ANKRD10: variants seen among roughly 807,000 people sequenced by gnomAD.
The protein encoded by ANKRD10 is ankyrin repeat domain-containing protein 10.
A neutral mutation model predicts 27.0 loss-of-function variants in ANKRD10; 14 were observed. The ratio of observed to expected loss-of-function variants is 0.52; its 90% confidence interval spans 0.34 to 0.81. The LOEUF is 0.81. Among genes scored for constraint, ANKRD10 ranks in the 40% least tolerant of loss-of-function variants. The pLI is 0.01. For synonymous variants in ANKRD10, 250 were observed against 224.5 expected, an observed-to-expected ratio of 1.11 and a Z score of -1.01; for missense variants, 493 against 544.0, an observed-to-expected ratio of 0.91 and a Z score of 0.93.
chr13:110,906,020 G>A lies in ANKRD10; in HGVS notation c.455+13C>T, dbSNP rs1481478228. On this transcript the variant is annotated intron_variant, in intron 3 of 5. Coordinates refer to ENST00000267339, the MANE Select transcript of ANKRD10 (RefSeq NM_017664.4). ...ACATCTTTAGCTGGAAAGAATAAAC[G>A]AAAGACACTTACTCGACGTGAGCCC... 32 of 1,578,832 alleles carry A rather than the reference G, an allele frequency of 2.0e-5. No homozygotes were observed. Among genetic ancestry groups the A allele is most frequent in the South Asian group, 9.2e-5 (8 of 86,718 alleles).
chr13:110,887,005 T>C (rs571397423), intron 4 of ANKRD10, among the ~76,000 whole-genome samples: 3 of 152,176 alleles, frequency 2.0e-5, no homozygotes, highest in Admixed American at 6.5e-5. Flanking sequence ...TAGGACTAGC[T>C]CAAAACCTCC....
chr13:110,913,755 C>A (rs1429168797), intron 1 of ANKRD10, among the ~76,000 whole-genome samples: 1 of 152,090 alleles, frequency 6.6e-6, no homozygotes, highest in Non-Finnish European at 1.5e-5. Flanking sequence ...TCATCACTTA[C>A]GAGAAAAACA....
rs893216575 is a variant in ANKRD10 at position 110,900,502 on chromosome 13, C to T, written c.455+5531G>A. 1.0e-5 allele frequency: 13 copies of T among 1,251,394 alleles called. No individual in the cohort carries two copies. In the East Asian group the frequency reaches 2.6e-4, roughly 25 times the overall value. The allele number at this position is 1,251,394 out of a possible 1,614,324, so 77.5% of individuals were successfully genotyped here. ...ATCTCTATCTGAATTCCTAGATTAG[C>T]GTTAAAACCAATCACCGCAACAAAT... On this transcript the variant is annotated intron_variant, in intron 3 of 5. Transcript: ENST00000267339.
intron 2 of ANKRD10, among the ~76,000 whole-genome samples, chr13:110,908,761 T>C (rs2065608428): frequency 6.6e-6 from 1 of 152,036 alleles, no homozygotes; most frequent in South Asian, 2.1e-4. Flanking sequence ...CACTACATAA[T>C]AGAGTGAGAT....
Position 110,893,268 on chromosome 13 carries a change from A to G in ANKRD10, c.456-5T>C, listed in dbSNP as rs1177508523. On this transcript the variant is annotated splice_region_variant and splice_polypyrimidine_tract_variant and intron_variant, in intron 3 of 5. Transcript: ENST00000267339. ...AGGCCACTGGCATTTCTCAGGCTGTACAACACAAAAACACTGAATTACACC... is the reference window on the plus strand; with the variant it reads ...AGGCCACTGGCATTTCTCAGGCTGTGCAACACAAAAACACTGAATTACACC... 6.2e-7 allele frequency: 1 copy of G among 1,613,510 alleles called. No individual in the cohort carries two copies. The highest frequency in any genetic ancestry group is 1.3e-5 in the African/African-American group (1 of 74,926).
At chr13:110,898,509 T>C (rs1348381241) in intron 3 of ANKRD10, among the ~76,000 whole-genome samples, 1 of 152,234 alleles carries the variant, frequency 6.6e-6, no homozygotes, top group Non-Finnish European at 1.5e-5. Context: ...GTACTTACAG[T>C]ACTTTGTTCT....
Position 110,914,799 on chromosome 13 carries a change from G to T in ANKRD10, c.136C>A (p.Pro46Thr). ...ATLCSLLQQT[P>T]HAHLASEDSF... is the part of the protein sequence containing the mutation. Reference sequence around the variant, plus strand: ...TCCTCAGAGGCCAGGTGGGCGTGGGGTGTCTGCTGCAGCAGCGAGCAGAGC... The same window carrying T: ...TCCTCAGAGGCCAGGTGGGCGTGGGTTGTCTGCTGCAGCAGCGAGCAGAGC... The change falls in exon 1 of 6, where the codon CCC (proline) becomes ACC (threonine). Residue 46 changes from proline (P) to threonine (T), a missense_variant. By Grantham distance (38) the Pro-to-Thr change is conservative. Coordinates refer to ENST00000267339, the MANE Select transcript of ANKRD10 (RefSeq NM_017664.4). 6.3e-7 allele frequency: 1 copy of T among 1,595,066 alleles called. No individual in the cohort carries two copies. The highest frequency in any genetic ancestry group is 1.1e-5 in the South Asian group (1 of 88,060).
At chr13:110,883,097 AAC>A (rs1242382935) in intron 5 of ANKRD10, 1 of 152,192 alleles carries the variant, frequency 6.6e-6, no homozygotes, top group African/African-American at 2.4e-5. Context: ...TGTGTTGTGA[AAC>A]ACAGTGTTTA....
At chr13:110,895,182 G>A (rs535311593) in intron 3 of ANKRD10, 1 of 152,296 alleles carries the variant, frequency 6.6e-6, no homozygotes, top group African/African-American at 2.4e-5. Context: ...CTACCACTTA[G>A]TATTAGGACA....
intron 3 of ANKRD10, among the ~76,000 whole-genome samples, chr13:110,903,313 AG>A (rs2065436042): frequency 6.6e-6 from 1 of 151,624 alleles, no homozygotes; most frequent in African/African-American, 2.4e-5. Flanking sequence ...TTTGGTCACA[AG>A]TTAGATTTAA....
Position 110,914,204 on chromosome 13 carries a change from G to A in ANKRD10, c.210+521C>T, listed in dbSNP as rs1457015919. On this transcript the variant is annotated intron_variant, in intron 1 of 5. Coordinates refer to ENST00000267339, the MANE Select transcript of ANKRD10 (RefSeq NM_017664.4). Reference sequence around the variant, plus strand: ...TGAGCTCGTCCGCAGCGCGGCCCTCGGCTACTGGCGAGGCTGTGCGGAACC... The same window carrying A: ...TGAGCTCGTCCGCAGCGCGGCCCTCAGCTACTGGCGAGGCTGTGCGGAACC... Among the ~76,000 whole-genome samples the A allele has an allele frequency of 3.3e-5, 5 of 152,268 alleles. No individual in the cohort carries two copies. The South Asian group carries it at 6.2e-4, about 19-fold the overall frequency.
chr13:110,879,487 C>G lies in ANKRD10; in HGVS notation c.*150G>C, dbSNP rs1340537351. 1.5e-6 allele frequency: 1 copy of G among 646,876 alleles called. No individual in the cohort carries two copies. Among genetic ancestry groups the G allele is most frequent in the African/African-American group, 1.8e-5 (1 of 55,000 alleles). The allele number at this position is 646,876 out of a possible 1,614,324, so 40.1% of individuals were successfully genotyped here. ...CTACTCATGCACAAACAAGCAGTTG[C>G]TGGGAACTTGTCGAAGTTTACTTTT... On this transcript the variant is annotated 3_prime_UTR_variant, in exon 6 of 6. Transcript: ENST00000267339.
At position 110,914,799 on chromosome 13, in the gene ANKRD10, G is replaced by A. The variant is rs2065841102; in HGVS notation, c.136C>T (p.Pro46Ser). 1.3e-6 allele frequency: 2 copies of A among 1,595,066 alleles called. No individual in the cohort carries two copies. The highest frequency in any genetic ancestry group is 1.7e-6 in the Non-Finnish European group (2 of 1,171,556). Reference protein sequence around the residue: ...ATLCSLLQQTPHAHLASEDSF... With the variant: ...ATLCSLLQQTSHAHLASEDSF... ...TCCTCAGAGGCCAGGTGGGCGTGGG[G>A]TGTCTGCTGCAGCAGCGAGCAGAGC... Residue 46 changes from proline to serine, a missense_variant, in exon 1 of 6, where the codon CCC becomes TCC. Coordinates refer to ENST00000267339, the MANE Select transcript of ANKRD10 (RefSeq NM_017664.4).
rs891624108 is a variant in ANKRD10 at position 110,891,183 on chromosome 13, G to A, written c.691+1845C>T. On this transcript the variant is annotated intron_variant, in intron 4 of 5. Transcript: ENST00000267339. ...CATTTAGACTATACAGTGACATACA[G>A]GGACAGACATGTACAATTCGTGCAT... Among the ~76,000 whole-genome samples the A allele has an allele frequency of 6.6e-5, 10 of 151,684 alleles. 1 individual carries two copies. The highest frequency in any genetic ancestry group is 1.3e-4 in the Admixed American group (2 of 15,168).
In ANKRD10 at chr13:110,880,083, T is replaced by TGGAGAAA; in HGVS notation, c.816_817insTTTCTCC (p.Thr273PhefsTer37). On this transcript the variant is annotated frameshift_variant, in exon 6 of 6. Coordinates refer to ENST00000267339, the MANE Select transcript of ANKRD10 (RefSeq NM_017664.4). LOFTEE classifies it low-confidence loss of function (END_TRUNC). ...TTGATGACACATCCATTTGTCAATGTATTCGATACGGAGCTACTGTTTTTC... is the reference window on the plus strand; with the variant it reads ...TTGATGACACATCCATTTGTCAATGTGGAGAAAATTCGATACGGAGCTACTGTTTTTC... 1 of 1,614,156 alleles carries TGGAGAAA rather than the reference T, an allele frequency of 6.2e-7. No individual in the cohort carries two copies. The highest frequency in any genetic ancestry group is 8.5e-7 in the Non-Finnish European group (1 of 1,179,994).
intron 3 of ANKRD10, 110 bp downstream of exon 3, chr13:110,905,923 A>T (rs2065518615): frequency 2.0e-6 from 2 of 995,946 alleles, no homozygotes; most frequent in Non-Finnish European, 2.9e-6. Flanking sequence ...AAATTACATT[A>T]CTAATTTTGA....
At chr13:110,883,381 GAATA>G (rs2064854540) in intron 5 of ANKRD10, 1 of 446,414 alleles carries the variant, frequency 2.2e-6, no homozygotes, top group Non-Finnish European at 3.2e-6. Context: ...CTTCAAATCA[GAATA>G]AAGATTGCAC....
At chr13:110,885,950 C>T (rs2064918767) in intron 4 of ANKRD10, among the ~76,000 whole-genome samples, 1 of 152,242 alleles carries the variant, frequency 6.6e-6, no homozygotes, top group Non-Finnish European at 1.5e-5. Flanking sequence ...TTTGTCTTCT[C>T]CTTCACTAGG....
chr13:110,904,829 A>G (rs1032523163), intron 3 of ANKRD10, among the ~76,000 whole-genome samples: 1 of 152,246 alleles, frequency 6.6e-6, no homozygotes, highest in Admixed American at 6.5e-5. Flanking sequence ...CCAGATCACT[A>G]TATAAGGATC....
Sources: allele counts gnomAD v4.1 joint callset (sites outside exome capture counted in the v4.1 genomes callset), GRCh38; gene constraint gnomAD v4.1.1; transcripts MANE v1.5; gene names NCBI Gene and HGNC (gene_info 2026-07-23, HGNC 2026-07-21).